ZNF423: variants seen among roughly 807,000 people sequenced by gnomAD.
The protein encoded by ZNF423 is zinc finger protein 423, also known as Ebf-associated zinc finger protein.
Under a neutral mutation model 95.8 loss-of-function variants are expected in ZNF423, and 12 were observed. The ratio of observed to expected loss-of-function variants is 0.13; its 90% CI spans 0.08 to 0.20. The LOEUF is 0.20. Among genes scored for constraint, ZNF423 ranks in the 10% least tolerant of loss-of-function variants. The pLI is 1.00. For missense variants in ZNF423, 1,316 were observed against 1,737.1 expected (o/e 0.76, Z 4.31); for synonymous variants, 749 against 711.9 (o/e 1.05, Z -0.83).
chr16:49,648,335 A>C (rs1366738899), intron 3 of ZNF423, among the ~76,000 whole-genome samples: 1 of 152,180 alleles, frequency 6.6e-6, no homozygotes, highest in East Asian at 1.9e-4. Flanking sequence ...AAAAAGAAAA[A>C]AGATTAAGAA....
At chr16:49,541,005 C>A (rs1243648295) in intron 5 of ZNF423, among the ~76,000 whole-genome samples, 1 of 152,310 alleles carries the variant, frequency 6.6e-6, no homozygotes, top group East Asian at 1.9e-4. Context: ...CCCCTCCTGC[C>A]AAGAGCAGGA....
At position 49,529,314 on chromosome 16, in the gene ZNF423, A is replaced by T. The variant is rs183467727; in HGVS notation, c.3602-3820T>A. Among the ~76,000 whole-genome samples, 923 of 152,000 alleles carry T rather than the reference A, an allele frequency of 6.1e-3. 9 individuals are homozygous for T. Among genetic ancestry groups the T allele is most frequent in the African/African-American group, 0.02 (849 of 41,420 alleles). ...GGAAATCTATTGATTTATTATGATT[A>T]AAAAAAATAAAAATAAATAAAAACT... is the stretch of plus-strand genomic sequence containing the variant. On this transcript the variant is annotated intron_variant, in intron 5 of 7. Coordinates refer to ENST00000563137, the MANE Select transcript of ZNF423 (RefSeq NM_001379286.1).
At chr16:49,807,813 C>T (rs1376472121) in intron 1 of ZNF423, among the ~76,000 whole-genome samples, 2 of 152,228 alleles carry the variant, frequency 1.3e-5, no homozygotes, top group African/African-American at 4.8e-5. Flanking sequence ...GGGGCCGTGA[C>T]AGGGTCTGCC....
chr16:49,839,311 C>CTGGCTTGGAGAAGGGCTAGA (rs2035157773), intron 1 of ZNF423, among the ~76,000 whole-genome samples: 1 of 152,134 alleles, frequency 6.6e-6, no homozygotes, highest in Non-Finnish European at 1.5e-5. Flanking sequence ...GGCCACAGCC[C>CTGGCTTGGAGAAGGGCTAGA]TGGCTTGGAG....
chr16:49,780,237 G>A (rs902873594), intron 2 of ZNF423, among the ~76,000 whole-genome samples: 1 of 152,220 alleles, frequency 6.6e-6, no homozygotes, highest in Admixed American at 6.5e-5. Context: ...GTGCACAGCA[G>A]GCATGTCGAC....
chr16:49,697,790 G>A (rs1366528864), intron 3 of ZNF423, among the ~76,000 whole-genome samples: 1 of 152,270 alleles, frequency 6.6e-6, no homozygotes, highest in Non-Finnish European at 1.5e-5. Context: ...CACAACAAAA[G>A]GCCAGCTGAA....
chr16:49,508,063 T>C (rs2151674540), intron 7 of ZNF423, among the ~76,000 whole-genome samples: 1 of 152,274 alleles, frequency 6.6e-6, no homozygotes, highest in African/African-American at 2.4e-5. Context: ...TCTGAGGCCT[T>C]GGGGGGTTAG....
chr16:49,785,416 G>A (rs1456274060), intron 2 of ZNF423, among the ~76,000 whole-genome samples: 1 of 152,222 alleles, frequency 6.6e-6, no homozygotes, highest in Non-Finnish European at 1.5e-5. Context: ...AATGTTCTAA[G>A]TTGACTGTAG....
intron 5 of ZNF423, among the ~76,000 whole-genome samples, chr16:49,622,828 C>A (rs1267039274): frequency 6.6e-6 from 1 of 152,246 alleles, no homozygotes; most frequent in Non-Finnish European, 1.5e-5. Flanking sequence ...AAGTGCCTGG[C>A]ACATAGAAAG....
chr16:49,739,530 G>C (rs888318209), intron 2 of ZNF423, among the ~76,000 whole-genome samples: 2 of 152,084 alleles, frequency 1.3e-5, no homozygotes, highest in African/African-American at 2.4e-5. Context: ...AGTAAGGTGC[G>C]AGCCACCTCC....
chr16:49,840,940 T>C (rs574418688), intron 1 of ZNF423, among the ~76,000 whole-genome samples: 180 of 152,286 alleles, frequency 1.2e-3, no homozygotes, highest in African/African-American at 4.1e-3. Flanking sequence ...TGTTTTCTGG[T>C]GGGGTGGGGA....
chr16:49,566,830 G>C (rs957643163), intron 5 of ZNF423, among the ~76,000 whole-genome samples: 6 of 152,126 alleles, frequency 3.9e-5, no homozygotes, highest in South Asian at 2.1e-4. Context: ...GAGGGGAAGA[G>C]GGTGTCAGGG....
At chr16:49,824,255 G>A (rs35841343) in intron 1 of ZNF423, among the ~76,000 whole-genome samples, 26,054 of 151,958 alleles carry the variant, frequency 0.17, 2,774 homozygotes, top group Middle Eastern at 0.25. Context: ...CACTGCACAC[G>A]CTTCCTCAGA....
At chr16:49,557,921 A>C (rs779973314) in intron 5 of ZNF423, among the ~76,000 whole-genome samples, 1 of 152,130 alleles carries the variant, frequency 6.6e-6, no homozygotes, top group Non-Finnish European at 1.5e-5. Context: ...GGGGCCCCCA[A>C]AGCCAGAGAG....
chr16:49,542,201 C>A (rs1969275775), intron 5 of ZNF423, among the ~76,000 whole-genome samples: 1 of 152,148 alleles, frequency 6.6e-6, no homozygotes, highest in Non-Finnish European at 1.5e-5. Flanking sequence ...GAGGCCTCAG[C>A]AGATCTGCTT....
At chr16:49,544,516 A>G (rs1969373606) in intron 5 of ZNF423, among the ~76,000 whole-genome samples, 1 of 152,230 alleles carries the variant, frequency 6.6e-6, no homozygotes. Flanking sequence ...GGGTCGAGGT[A>G]ACACCAAGGG....
At chr16:49,595,506 C>A (rs1971153968) in intron 5 of ZNF423, among the ~76,000 whole-genome samples, 1 of 152,188 alleles carries the variant, frequency 6.6e-6, no homozygotes, top group Non-Finnish European at 1.5e-5. Context: ...ATTTAGCACT[C>A]AACTGGAGGG....
chr16:49,820,107 C>T (rs1380692791), intron 1 of ZNF423, among the ~76,000 whole-genome samples: 1 of 151,600 alleles, frequency 6.6e-6, no homozygotes. Flanking sequence ...AATGGATGGA[C>T]AGATGGATGG....
chr16:49,794,472 C>A (rs556411278), intron 1 of ZNF423, among the ~76,000 whole-genome samples: 1 of 152,296 alleles, frequency 6.6e-6, no homozygotes, highest in South Asian at 2.1e-4. Flanking sequence ...TCAAAGGACT[C>A]CCCCAGTTGT....
Sources: gnomAD v4.1 joint callset for allele counts (sites outside exome capture counted in the v4.1 genomes callset) on GRCh38, gnomAD v4.1.1 for gene constraint, MANE v1.5 for transcripts, NCBI Gene and HGNC (gene_info 2026-07-23, HGNC 2026-07-21) for gene names.